The following SORL1 variants were observed in gnomAD, a reference collection of about 807,000 sequenced individuals.
SORL1 encodes the protein sortilin-related receptor.
SORL1 carries 127 observed loss-of-function variants against 273.7 expected under a neutral mutation model. The observed-to-expected ratio is 0.46, with a 90% CI of 0.40 to 0.54. SORL1 has a LOEUF of 0.54. Ranked by LOEUF, SORL1 falls within the 20% of genes least tolerant of loss-of-function variation. SORL1 has a pLI of 0.00. For missense variants in SORL1, 2,494 were observed against 2,846.1 expected (o/e 0.88, Z 2.81); for synonymous variants, 1,031 against 1,067.4 (o/e 0.97, Z 0.66).
intron 40 of SORL1, among the ~76,000 whole-genome samples, chr11:121,613,273 A>G (rs1185984722): frequency 6.6e-6 from 1 of 152,236 alleles, no homozygotes; most frequent in Non-Finnish European, 1.5e-5. Flanking sequence ...GACTGGAGAA[A>G]TGGACAACAA....
rs1002196206 is a variant in SORL1 at position 121,633,452 on chromosome 11, T to C, written c.*3889T>C. 2.0e-5 allele frequency: 3 copies of C among 152,204 alleles called. No individual in the cohort carries two copies. Among genetic ancestry groups the C allele is most frequent in the Non-Finnish European group, 4.4e-5 (3 of 68,038 alleles). The allele number at this position is 152,204 out of a possible 1,614,324, so 9.4% of individuals were successfully genotyped here. A position where few individuals can be genotyped will look rare whatever the true frequency, so the allele number is the denominator to read the frequency against. The stretch of plus-strand genomic sequence containing the variant: ...AAACTTTAGGCAAAATCAAAAGTAT[T>C]TGCGGCAAAATAAAGGCCTATTCTA... On this transcript the variant is annotated 3_prime_UTR_variant, in exon 48 of 48. Transcript: ENST00000260197.
Position 121,633,553 on chromosome 11 carries a change from C to T in SORL1, c.*3990C>T, listed in dbSNP as rs957226342. On this transcript the variant is annotated 3_prime_UTR_variant, in exon 48 of 48. Transcript: ENST00000260197. Reference sequence around the variant, plus strand: ...TAAGTATTTATAATTTCAATTGCCTCGATAAGTTTCCAAGTCACTGAAATC... The same window carrying T: ...TAAGTATTTATAATTTCAATTGCCTTGATAAGTTTCCAAGTCACTGAAATC... 1 of 152,208 alleles carries T rather than the reference C, an allele frequency of 6.6e-6. No homozygotes were observed. Among genetic ancestry groups the T allele is most frequent in the African/African-American group, 2.4e-5 (1 of 41,452 alleles). The allele number at this position is 152,208 out of a possible 1,614,324, so 9.4% of individuals were successfully genotyped here. A position where few individuals can be genotyped will look rare whatever the true frequency, so the allele number is the denominator to read the frequency against.
At position 121,611,196 on chromosome 11, in the gene SORL1, T is replaced by C. The variant is rs546510614; in HGVS notation, c.5322+38T>C. On this transcript the variant is annotated intron_variant, in intron 39 of 47. Transcript: ENST00000260197. ...TTTCAAGCCAGCAGCTGGATGGGGC[T>C]TTATTTTGTATGGGAACTGAAAGGA... The C allele has an allele frequency of 1.4e-5, 19 of 1,372,736 alleles. 1 individual carries two copies. In the South Asian group the frequency reaches 1.9e-4, roughly 14 times the overall value. The allele number at this position is 1,372,736 out of a possible 1,614,324, so 85.0% of individuals were successfully genotyped here. A position where few individuals can be genotyped will look rare whatever the true frequency, so the allele number is the denominator to read the frequency against.
chr11:121,603,489 G>T (rs561193642), intron 32 of SORL1, among the ~76,000 whole-genome samples: 6 of 152,142 alleles, frequency 3.9e-5, no homozygotes, highest in Non-Finnish European at 8.8e-5. Flanking sequence ...GGAGCCTCCC[G>T]TGCAGTTTTA....
Position 121,596,396 on chromosome 11 carries a change from G to C in SORL1, c.4519+624G>C, listed in dbSNP as rs1863295473. On this transcript the variant is annotated intron_variant, in intron 32 of 47. Transcript: ENST00000260197. The surrounding 1 kb of genome is among the most constrained non-coding windows in gnomAD (Gnocchi z 4.3). ...ATCTTTGCAGTGAGTGATGGAGGGA[G>C]ACACTGGCTTCTGCAAGCGTTTATC... is the stretch of plus-strand genomic sequence containing the variant. Among the ~76,000 whole-genome samples, 1 of 152,208 alleles carries C rather than the reference G, an allele frequency of 6.6e-6. No individual in the cohort carries two copies. The highest frequency in any genetic ancestry group is 6.5e-5 in the Admixed American group (1 of 15,284).
At chr11:121,574,821 T>C (rs1444154777) in intron 24 of SORL1, among the ~76,000 whole-genome samples, 2 of 151,932 alleles carry the variant, frequency 1.3e-5, no homozygotes, top group Non-Finnish European at 2.9e-5. Context: ...GGATGAAAGG[T>C]GATGGTAAGG....
intron 29 of SORL1, among the ~76,000 whole-genome samples, chr11:121,589,705 G>A (rs572538822): frequency 6.6e-6 from 1 of 152,270 alleles, no homozygotes; most frequent in African/African-American, 2.4e-5. Flanking sequence ...AAAGTGACAG[G>A]CCACAATGTA....
chr11:121,469,140 T>C (rs2134780428), intron 1 of SORL1, among the ~76,000 whole-genome samples: 1 of 152,270 alleles, frequency 6.6e-6, no homozygotes, highest in South Asian at 2.1e-4. Flanking sequence ...CCTCTGGGGC[T>C]TTGGAGTCCT....
chr11:121,498,241 A>T (rs1304173053), intron 6 of SORL1, among the ~76,000 whole-genome samples: 1 of 152,192 alleles, frequency 6.6e-6, no homozygotes, highest in Non-Finnish European at 1.5e-5. Context: ...CAGCCCAGAA[A>T]CATAAGCATC....
intron 8 of SORL1, among the ~76,000 whole-genome samples, chr11:121,515,550 G>A (rs1050682675): frequency 6.6e-6 from 1 of 152,224 alleles, no homozygotes; most frequent in Non-Finnish European, 1.5e-5. Context: ...TGCAGAGAGG[G>A]AGAGAGAAGG....
intron 2 of SORL1, among the ~76,000 whole-genome samples, chr11:121,476,930 TA>T (rs1430169252): frequency 6.6e-6 from 1 of 151,908 alleles, no homozygotes; most frequent in African/African-American, 2.4e-5. Context: ...TAACTGAGAC[TA>T]CAGGCTCAAA....
intron 47 of SORL1, chr11:121,628,810 T>C (rs1336138047): frequency 1.3e-5 from 2 of 152,242 alleles, no homozygotes; most frequent in Non-Finnish European, 2.9e-5. Flanking sequence ...TATAAAGACA[T>C]TTGTATATTC....
chr11:121,558,859 G>A (rs1384697428), intron 20 of SORL1, 22 bp downstream of exon 20: 16 of 1,613,156 alleles, frequency 9.9e-6, no homozygotes, highest in Middle Eastern at 1.6e-4. Context: ...TGTTGCTGCC[G>A]GACAGTCTGC....
chr11:121,564,974 C>T (rs977822280), intron 21 of SORL1, among the ~76,000 whole-genome samples: 1 of 152,218 alleles, frequency 6.6e-6, no homozygotes, highest in African/African-American at 2.4e-5. Flanking sequence ...CATGTTCCCA[C>T]ATCCTTGTTT....
chr11:121,506,485 A>G (rs1861789092), intron 6 of SORL1, among the ~76,000 whole-genome samples: 1 of 152,178 alleles, frequency 6.6e-6, no homozygotes, highest in Non-Finnish European at 1.5e-5. Flanking sequence ...CCTCCTTTTT[A>G]AAACCATCAG....
chr11:121,621,065 T>G lies in SORL1; in HGVS notation c.5891T>G (p.Leu1964Trp). 2 of 1,604,446 alleles carry G rather than the reference T, an allele frequency of 1.2e-6. No individual in the cohort carries two copies. The highest frequency in any genetic ancestry group is 1.7e-6 in the Non-Finnish European group (2 of 1,173,990). The change falls in exon 44 of 48, where the codon TTG (leucine) becomes TGG (tryptophan). Residue 1964 changes from leucine (L) to tryptophan (W), a missense_variant and splice_region_variant. Coordinates refer to ENST00000260197, the MANE Select transcript of SORL1 (RefSeq NM_003105.6). Reference sequence around the variant, plus strand: ...TCACTTGTTCTTTTTTGGTCCTAGTTGTATGCAGTTGCAGTCAAAGATCTC... The same window carrying G: ...TCACTTGTTCTTTTTTGGTCCTAGTGGTATGCAGTTGCAGTCAAAGATCTC... ...SPYDSPDQDL[L>W]YAVAVKDLIR...
At chr11:121,497,963 C>A (rs996364645) in intron 6 of SORL1, among the ~76,000 whole-genome samples, 2 of 152,102 alleles carry the variant, frequency 1.3e-5, no homozygotes, top group African/African-American at 4.8e-5. Flanking sequence ...AGTAGGTCAA[C>A]CTTCTTAGTA....
intron 1 of SORL1, among the ~76,000 whole-genome samples, chr11:121,458,916 G>T (rs978803762): frequency 6.6e-6 from 1 of 152,126 alleles, no homozygotes; most frequent in Non-Finnish European, 1.5e-5. Context: ...ACTGCGTAAC[G>T]ATCACAAGTA....
chr11:121,598,583 G>A (rs75549187), intron 32 of SORL1, among the ~76,000 whole-genome samples: 4,136 of 152,250 alleles, frequency 0.027, 148 homozygotes, highest in East Asian at 0.21. Flanking sequence ...TGCATTAATT[G>A]TCCATGCAAG....
Sources: allele counts gnomAD v4.1 joint callset (sites outside exome capture counted in the v4.1 genomes callset), GRCh38; gene constraint gnomAD v4.1.1; non-coding constraint Gnocchi (gnomAD v3.1); transcripts MANE v1.5; gene names NCBI Gene and HGNC (gene_info 2026-07-23, HGNC 2026-07-21).